The following EVL variants were observed in gnomAD, a reference collection of about 807,000 sequenced individuals.
EVL encodes the protein Enah/Vasp-like, also known as ena/VASP-like protein.
In EVL, 21 loss-of-function variants were observed where a neutral mutation model predicts 59.6. The observed-to-expected ratio is 0.35, with a 90% CI of 0.25 to 0.51. EVL has a LOEUF of 0.51. Ranked by LOEUF, EVL falls within the 20% of genes least tolerant of loss-of-function variation. EVL has a pLI of 0.97. For missense variants in EVL, 462 were observed against 546.6 expected (o/e 0.85, Z 1.54); for synonymous variants, 198 against 203.5 (o/e 0.97, Z 0.23).
intron 4 of EVL, among the ~76,000 whole-genome samples, chr14:100,126,190 T>A (rs1888058059): frequency 6.6e-6 from 1 of 152,226 alleles, no homozygotes; most frequent in Non-Finnish European, 1.5e-5. Context: ...CACGTAGCAG[T>A]GTGCCACGGT....
In EVL at chr14:99,972,722, C is replaced by CA. The variant is rs2060742962; in HGVS notation, c.5+666dup. ...CCAAGAAATAAAACCTTGCTTCTGC[C>CA]AGAAGCCCGGTGCCCTCTCCCAGTC... On this transcript the variant is annotated intron_variant, in intron 1 of 13. Transcript: ENST00000402714. This position sits in a 1 kb window ranked among gnomAD's most constrained non-coding sequence, Gnocchi z 4.4. 6.6e-6 allele frequency among the ~76,000 whole-genome samples: 1 copy of CA among 152,108 alleles called. No homozygotes were observed. The highest frequency in any genetic ancestry group is 6.6e-5 in the Admixed American group (1 of 15,258).
chr14:100,084,069 T>C (rs546041403), intron 1 of EVL, among the ~76,000 whole-genome samples: 1,819 of 151,222 alleles, frequency 0.012, 7 homozygotes, highest in Non-Finnish European at 0.016. Context: ...TTTTTTTTTT[T>C]CCGAGACAGT....
intron 3 of EVL, among the ~76,000 whole-genome samples, chr14:100,102,974 C>T (rs1886320037): frequency 6.6e-6 from 1 of 151,874 alleles, no homozygotes; most frequent in Non-Finnish European, 1.5e-5. Flanking sequence ...TGGTGGCGTG[C>T]ACCTCTAGTC....
chr14:99,996,418 T>C (rs2060914663), intron 1 of EVL, among the ~76,000 whole-genome samples: 1 of 152,182 alleles, frequency 6.6e-6, no homozygotes, highest in South Asian at 2.1e-4. Flanking sequence ...TGGGAACTAA[T>C]TTAATCCCTT....
At chr14:100,006,452 G>A (rs2060982549) in intron 1 of EVL, among the ~76,000 whole-genome samples, 1 of 151,790 alleles carries the variant, frequency 6.6e-6, no homozygotes, top group Non-Finnish European at 1.5e-5. Context: ...ACCTGGCTGG[G>A]TTTTTTGTAT....
chr14:100,142,811 C>T (rs944719701), intron 13 of EVL, among the ~76,000 whole-genome samples: 2 of 152,230 alleles, frequency 1.3e-5, no homozygotes, highest in Admixed American at 6.5e-5. Context: ...CAACTGGTCA[C>T]ACCGCCTTAC....
At chr14:99,998,395 C>T (rs1169301921) in intron 1 of EVL, among the ~76,000 whole-genome samples, 1 of 152,112 alleles carries the variant, frequency 6.6e-6, no homozygotes, top group Non-Finnish European at 1.5e-5. Context: ...TTCTCCTTCC[C>T]ATGGATCTCT....
chr14:100,007,841 C>T (rs1419643844), intron 1 of EVL, among the ~76,000 whole-genome samples: 1 of 152,112 alleles, frequency 6.6e-6, no homozygotes, highest in Non-Finnish European at 1.5e-5. Context: ...AAGAAAAGCA[C>T]GGACAGCTTT....
chr14:100,129,373 T>A (rs1315192116), intron 6 of EVL, among the ~76,000 whole-genome samples, 190 bp from the exon 7 acceptor site: 3 of 152,098 alleles, frequency 2.0e-5, no homozygotes. Context: ...CTGGTCCTTG[T>A]CCCTCTCTCG....
intron 1 of EVL, among the ~76,000 whole-genome samples, chr14:100,015,449 A>G (rs1447017255): frequency 6.6e-6 from 1 of 152,216 alleles, no homozygotes; most frequent in Non-Finnish European, 1.5e-5. Flanking sequence ...TCACATGTCC[A>G]GTAACTGCAG....
intron 3 of EVL, chr14:100,107,497 C>A (rs1240227428): frequency 5.1e-6 from 2 of 393,442 alleles, no homozygotes; most frequent in Non-Finnish European, 8.9e-6. Flanking sequence ...CAGGACAAGT[C>A]TGAGCAGAAC....
At chr14:100,133,763 C>T (rs767504560) in intron 8 of EVL, among the ~76,000 whole-genome samples, 33 of 152,188 alleles carry the variant, frequency 2.2e-4, no homozygotes, top group Admixed American at 3.9e-4. Context: ...CATAGTGAAA[C>T]GTCATCTCTA....
In EVL at chr14:100,097,678, G is replaced by C; in HGVS notation, c.358+20G>C. On this transcript the variant is annotated intron_variant, in intron 3 of 13. Coordinates refer to ENST00000392920, the MANE Select transcript of EVL (RefSeq NM_016337.3). ...AAGGAGGTAAGTAGGGCTTTGTCTTGGCCTGATGCTGAGACCCTCTCTTGT... is the reference window on the plus strand; with the variant it reads ...AAGGAGGTAAGTAGGGCTTTGTCTTCGCCTGATGCTGAGACCCTCTCTTGT... 6.3e-7 allele frequency: 1 copy of C among 1,587,842 alleles called. No homozygotes were observed.
chr14:100,116,882 T>A (rs1887383286), intron 3 of EVL, among the ~76,000 whole-genome samples: 2 of 152,196 alleles, frequency 1.3e-5, no homozygotes, highest in South Asian at 2.1e-4. Context: ...CTTCTCACTT[T>A]ATAGAAAATG....
At position 100,140,907 on chromosome 14, in the gene EVL, G is replaced by A. The variant is rs1487946996; in HGVS notation, c.1095-273G>A. 9.8e-6 allele frequency: 4 copies of A among 407,706 alleles called. No homozygotes were observed. The Admixed American group carries it at 1.7e-4, about 17-fold the overall frequency. The allele number at this position is 407,706 out of a possible 1,614,324, so 25.3% of individuals were successfully genotyped here. Reference sequence around the variant, plus strand: ...CACTTAAGTTGCCACCTCTGCATAAGAGCTCTCTGATCAGAAAGCAGTTTC... The same window carrying A: ...CACTTAAGTTGCCACCTCTGCATAAAAGCTCTCTGATCAGAAAGCAGTTTC... On this transcript the variant is annotated intron_variant, in intron 11 of 13. Transcript: ENST00000392920.
At chr14:100,095,352 G>A (rs991555916) in intron 2 of EVL, among the ~76,000 whole-genome samples, 1 of 152,178 alleles carries the variant, frequency 6.6e-6, no homozygotes, top group Admixed American at 6.5e-5. Context: ...CTTCTGATAG[G>A]GACTTACCAG....
chr14:100,001,175 G>A (rs1299996849), intron 1 of EVL, among the ~76,000 whole-genome samples: 1 of 152,134 alleles, frequency 6.6e-6, no homozygotes, highest in Non-Finnish European at 1.5e-5. Context: ...ATAGGTTGCT[G>A]TTATTTTCTT....
chr14:100,038,079 G>A (rs1364768983), intron 1 of EVL, among the ~76,000 whole-genome samples: 2 of 152,122 alleles, frequency 1.3e-5, no homozygotes, highest in Admixed American at 1.3e-4. Context: ...TTCAGTGAGG[G>A]GAAAGTGTAG....
At chr14:100,015,485 G>A (rs543706649) in intron 1 of EVL, among the ~76,000 whole-genome samples, 1 of 152,248 alleles carries the variant, frequency 6.6e-6, no homozygotes, top group East Asian at 1.9e-4. Flanking sequence ...TGGTAGTACC[G>A]CTGGGGCTAG....
Sources: gnomAD v4.1 joint callset for allele counts (sites outside exome capture counted in the v4.1 genomes callset) on GRCh38, gnomAD v4.1.1 for gene constraint, Gnocchi (gnomAD v3.1) non-coding constraint, MANE v1.5 for transcripts, NCBI Gene and HGNC (gene_info 2026-07-23, HGNC 2026-07-21) for gene names.